Variants in ERG observed in about 807,000 individuals in gnomAD.
ERG encodes ETS transcription factor ERG.
Under a neutral mutation model 55.3 loss-of-function variants are expected in ERG, and 9 were observed. The observed-to-expected ratio is 0.16, with a 90% CI of 0.10 to 0.28. The LOEUF (loss-of-function observed/expected upper bound fraction) is 0.28. Ranked by LOEUF, ERG falls within the 10% of genes least tolerant of loss-of-function variation. The pLI is 1.00. For missense variants in ERG, 434 were observed against 631.6 expected (o/e 0.69, Z 3.35); for synonymous variants, 223 against 237.3 (o/e 0.94, Z 0.55).
chr21:38,557,609 A>G (rs773344629), intron 2 of ERG, among the ~76,000 whole-genome samples: 3 of 152,242 alleles, frequency 2.0e-5, no homozygotes, highest in Non-Finnish European at 2.9e-5. Flanking sequence ...GTTTTTAACA[A>G]TTTAGACGTC....
chr21:38,472,481 C>G (rs985381056), intron 1 of ERG, among the ~76,000 whole-genome samples: 2 of 152,086 alleles, frequency 1.3e-5, no homozygotes, highest in Admixed American at 1.3e-4. Flanking sequence ...GGTTGTGTCC[C>G]CAAAGTTTGC....
chr21:38,488,905 C>T (rs1601122863), intron 1 of ERG, among the ~76,000 whole-genome samples: 1 of 152,224 alleles, frequency 6.6e-6, no homozygotes, highest in South Asian at 2.1e-4. Context: ...GAACGAGGTA[C>T]TGTAATCATT....
intron 1 of ERG, among the ~76,000 whole-genome samples, chr21:38,600,316 G>A (rs1361279409): frequency 6.6e-6 from 1 of 152,234 alleles, no homozygotes; most frequent in Non-Finnish European, 1.5e-5. Flanking sequence ...CAGGCCAGTA[G>A]CTGGGAGAAA....
chr21:38,570,251 C>T (rs2059949177), intron 2 of ERG, among the ~76,000 whole-genome samples: 1 of 152,198 alleles, frequency 6.6e-6, no homozygotes, highest in African/African-American at 2.4e-5. Flanking sequence ...CCCTTATCCC[C>T]AACCACTTCT....
intron 2 of ERG, among the ~76,000 whole-genome samples, chr21:38,547,738 C>A (rs1358661837): frequency 6.6e-6 from 1 of 152,100 alleles, no homozygotes; most frequent in Admixed American, 6.6e-5. Context: ...TAAAATGATG[C>A]CCTTAGCCCA....
At chr21:38,629,197 G>C (rs1349184386) in intron 1 of ERG, among the ~76,000 whole-genome samples, 1 of 152,172 alleles carries the variant, frequency 6.6e-6, no homozygotes, top group Non-Finnish European at 1.5e-5. Flanking sequence ...GGAGACATAA[G>C]CTCCTCCATC....
At chr21:38,516,234 C>T (rs2059550592) in intron 2 of ERG, among the ~76,000 whole-genome samples, 1 of 151,944 alleles carries the variant, frequency 6.6e-6, no homozygotes, top group African/African-American at 2.4e-5. Flanking sequence ...GAAAAACCTA[C>T]AGACTCCACC....
chr21:38,563,869 G>T (rs1287799153), intron 2 of ERG, among the ~76,000 whole-genome samples: 1 of 152,202 alleles, frequency 6.6e-6, no homozygotes, highest in African/African-American at 2.4e-5. Context: ...TCCGAGGACA[G>T]AGAGGCAAAA....
intron 1 of ERG, among the ~76,000 whole-genome samples, chr21:38,461,423 G>C (rs2059041425): frequency 6.6e-6 from 1 of 152,164 alleles, no homozygotes; most frequent in Non-Finnish European, 1.5e-5. Context: ...TGGGGGTTAG[G>C]ACTTCAACAT....
At chr21:38,526,783 C>T (rs1573331) in intron 2 of ERG, among the ~76,000 whole-genome samples, 103,948 of 151,912 alleles carry the variant, frequency 0.68, 35,529 homozygotes, top group South Asian at 0.79. Context: ...AAAATGTTAC[C>T]GTTTAAAATA....
chr21:38,644,839 G>A (rs887010593), intron 1 of ERG, among the ~76,000 whole-genome samples: 1 of 151,928 alleles, frequency 6.6e-6, no homozygotes, highest in African/African-American at 2.4e-5. Context: ...TGCCATCATT[G>A]ACCCCAGGTG....
chr21:38,634,850 T>G (rs1415464908), intron 1 of ERG, among the ~76,000 whole-genome samples: 2 of 152,212 alleles, frequency 1.3e-5, no homozygotes, highest in Admixed American at 6.6e-5. Context: ...AGGGTTTCAC[T>G]GAAGCTTTGA....
rs546873178 is a variant in ERG at position 38,403,437 on chromosome 21, A to G, written c.592+69T>C. The G allele has an allele frequency of 5.3e-6, 8 of 1,498,476 alleles. No individual in the cohort carries two copies. In the African/African-American group the frequency reaches 9.6e-5, roughly 18 times the overall value. 92.8% of individuals were successfully genotyped at this position (1,498,476 alleles called of 1,614,324 possible). On this transcript the variant is annotated intron_variant, in intron 4 of 9. Coordinates refer to ENST00000288319, the MANE Select transcript of ERG (RefSeq NM_182918.4). ...GGATGCTGTCGACACACCTGGTTGA[A>G]CCCTCTGAAGCTCAGGTCATAAGAA...
intron 3 of ERG, among the ~76,000 whole-genome samples, chr21:38,409,804 G>A (rs1396220923): frequency 6.6e-6 from 1 of 152,186 alleles, no homozygotes; most frequent in African/African-American, 2.4e-5. Flanking sequence ...AGATCAACAA[G>A]GTCCTTGAGT....
At chr21:38,481,878 C>T (rs1028497652) in intron 1 of ERG, among the ~76,000 whole-genome samples, 1 of 152,198 alleles carries the variant, frequency 6.6e-6, no homozygotes, top group African/African-American at 2.4e-5. Flanking sequence ...CACATTAATA[C>T]AACTTGTCAC....
chr21:38,382,915 A>G lies in ERG; in HGVS notation c.*488T>C, dbSNP rs1053665527. ...ATATCAACGTCTGTTGATGGGCCAC[A>G]GTCTCTCTCGTGTCTTTTCTCTTGT... is the stretch of plus-strand genomic sequence containing the variant. On this transcript the variant is annotated 3_prime_UTR_variant, in exon 10 of 10. Transcript: ENST00000288319. 6.6e-6 allele frequency: 7 copies of G among 1,066,698 alleles called. No homozygotes were observed. Among genetic ancestry groups the G allele is most frequent in the Non-Finnish European group, 8.0e-6 (7 of 879,912 alleles). 66.1% of individuals were successfully genotyped at this position (1,066,698 alleles called of 1,614,324 possible).
At chr21:38,494,777 C>T (rs1278455449) in intron 1 of ERG, among the ~76,000 whole-genome samples, 4 of 152,206 alleles carry the variant, frequency 2.6e-5, no homozygotes, top group African/African-American at 9.6e-5. Context: ...CTCAATCCTG[C>T]TTTCCAGGGT....
rs746923156 is a variant in ERG at position 38,528,186 on chromosome 21, C to G, written c.-41+47476G>C. Among the ~76,000 whole-genome samples, 85 of 152,326 alleles carry G rather than the reference C, an allele frequency of 5.6e-4. 2 individuals are homozygous for G. Among genetic ancestry groups the G allele is most frequent in the African/African-American group, 1.2e-3 (48 of 41,580 alleles). ...CCTGTCTGTCTCCAAATTTCCTCTT[C>G]TCATAAGGACACCAAGCACTGGATT... On this transcript the variant is annotated intron_variant, in intron 2 of 8. Coordinates refer to the ERG transcript ENST00000398897.
intron 2 of ERG, among the ~76,000 whole-genome samples, chr21:38,518,256 C>G (rs2059567732): frequency 6.6e-6 from 1 of 151,058 alleles, no homozygotes; most frequent in Non-Finnish European, 1.5e-5. Context: ...ATCTATCTAT[C>G]TATCTATCTA....
Sources: gnomAD v4.1 joint callset for allele counts (sites outside exome capture counted in the v4.1 genomes callset) on GRCh38, gnomAD v4.1.1 for gene constraint, MANE v1.5 for transcripts, NCBI Gene and HGNC (gene_info 2026-07-23, HGNC 2026-07-21) for gene names.